The following INSC variants were observed in gnomAD, a reference collection of about 807,000 sequenced individuals.
INSC encodes INSC spindle orientation adaptor protein, also known as protein inscuteable homolog.
A neutral mutation model predicts 58.6 loss-of-function variants in INSC; 67 were observed. The observed-to-expected ratio is 1.14, with a 90% CI of 0.94 to 1.40. The LOEUF (loss-of-function observed/expected upper bound fraction) is 1.40. INSC is among the 40% of genes most tolerant of loss of function. The pLI is 0.00. For missense variants in INSC, 714 were observed against 692.0 expected (o/e 1.03, Z -0.36); for synonymous variants, 262 against 276.1 (o/e 0.95, Z 0.51).
At chr11:15,130,177 A>G (rs925520088) in intron 1 of INSC, among the ~76,000 whole-genome samples, 1 of 152,246 alleles carries the variant, frequency 6.6e-6, no homozygotes, top group Non-Finnish European at 1.5e-5. Context: ...ATCTCACAGG[A>G]AATGCTTTCA....
intron 6 of INSC, among the ~76,000 whole-genome samples, chr11:15,198,201 C>T (rs1850441515): frequency 1.3e-5 from 2 of 152,206 alleles, no homozygotes; most frequent in African/African-American, 2.4e-5. Context: ...GGTACCAGGC[C>T]TTTCCACATG....
chr11:15,141,161 A>C (rs1848361673), intron 1 of INSC, among the ~76,000 whole-genome samples: 1 of 152,072 alleles, frequency 6.6e-6, no homozygotes, highest in Non-Finnish European at 1.5e-5. Flanking sequence ...TGAGAGTATA[A>C]TGTGAGCTCC....
At chr11:15,139,693 C>T (rs981845928) in intron 1 of INSC, among the ~76,000 whole-genome samples, 1 of 152,160 alleles carries the variant, frequency 6.6e-6, no homozygotes, top group African/African-American at 2.4e-5. Context: ...AAACATAATG[C>T]TCAAGGTCAC....
chr11:15,115,087 T>A, intron 1 of INSC, 84 bp downstream of exon 1: 1 of 868,832 alleles, frequency 1.2e-6, no homozygotes, highest in Non-Finnish European at 1.4e-6. Flanking sequence ...GGTTTGTCAC[T>A]AATTGGATAG....
intron 2 of INSC, among the ~76,000 whole-genome samples, chr11:15,173,071 A>C (rs1849454435): frequency 6.6e-6 from 1 of 152,206 alleles, no homozygotes; most frequent in African/African-American, 2.4e-5. Context: ...GAGAGTGTTG[A>C]ATGTTGCATT....
chr11:15,235,709 G>T, intron 10 of INSC, 41 bp downstream of exon 10: 1 of 1,501,932 alleles, frequency 6.7e-7, no homozygotes, highest in Non-Finnish European at 9.3e-7. Flanking sequence ...TGGATTATCT[G>T]GATGTAGGGG....
At chr11:15,134,242 T>G (rs1443064604) in intron 1 of INSC, among the ~76,000 whole-genome samples, 1 of 152,190 alleles carries the variant, frequency 6.6e-6, no homozygotes, top group Non-Finnish European at 1.5e-5. Context: ...TATTGTAAGA[T>G]CCCTGTTACT....
rs778126871 is a variant in INSC, at chr11:15,241,690, C to T, written c.1470+1167C>T. ...ATCTTTGGTACTCTGGTGAAGCTTACGGAGCCCTTCTCAGAATAATCCTTT... is the reference window on the plus strand; with the variant it reads ...ATCTTTGGTACTCTGGTGAAGCTTATGGAGCCCTTCTCAGAATAATCCTTT... On this transcript the variant is annotated intron_variant, in intron 12 of 12. Coordinates refer to ENST00000379556, the MANE Select transcript of INSC (RefSeq NM_001042536.3). The T allele has an allele frequency of 1.2e-4, 85 of 697,382 alleles. 1 individual carries two copies. Among genetic ancestry groups the T allele is most frequent in the Middle Eastern group, 2.3e-4 (1 of 4,374 alleles). The allele number at this position is 697,382 out of a possible 1,614,324, so 43.2% of individuals were successfully genotyped here.
intron 8 of INSC, among the ~76,000 whole-genome samples, chr11:15,223,219 T>C (rs1851511196): frequency 6.6e-6 from 1 of 152,234 alleles, no homozygotes; most frequent in South Asian, 2.1e-4. Flanking sequence ...TTTCTCAATT[T>C]ATAAACATTA....
intron 1 of INSC, among the ~76,000 whole-genome samples, chr11:15,142,095 C>T (rs1277743849): frequency 6.6e-6 from 1 of 152,204 alleles, no homozygotes; most frequent in African/African-American, 2.4e-5. Flanking sequence ...TCCCTGAATA[C>T]TTGCTCCATT....
At chr11:15,161,983 T>C (rs984155763) in intron 2 of INSC, among the ~76,000 whole-genome samples, 10 of 152,240 alleles carry the variant, frequency 6.6e-5, no homozygotes, top group Admixed American at 6.5e-5. Flanking sequence ...ATTAGCTGTT[T>C]AGTAAACAGT....
chr11:15,265,355 A>G, the INSC span, among the ~76,000 whole-genome samples: 7 of 152,188 alleles, frequency 4.6e-5, no homozygotes, highest in South Asian at 6.2e-4. Flanking sequence ...TAAAAGTTAT[A>G]TAAGTTTCTG....
intron 2 of INSC, among the ~76,000 whole-genome samples, chr11:15,167,644 T>A (rs1849248745): frequency 6.6e-6 from 1 of 151,576 alleles, no homozygotes; most frequent in South Asian, 2.1e-4. Context: ...TAATTATTAT[T>A]AATAATAATA....
intron 1 of INSC, among the ~76,000 whole-genome samples, chr11:15,120,115 T>A (rs939129287): frequency 3.3e-5 from 5 of 152,296 alleles, no homozygotes; most frequent in Non-Finnish European, 5.9e-5. Flanking sequence ...ATGAGAGAAC[T>A]CATTTCTCTC....
chr11:15,258,982 A>G, the INSC span, among the ~76,000 whole-genome samples: 3 of 152,142 alleles, frequency 2.0e-5, no homozygotes, highest in Non-Finnish European at 2.9e-5. Context: ...CTTTGTTTTC[A>G]GGGCTCAACT....
intron 2 of INSC, among the ~76,000 whole-genome samples, chr11:15,160,181 C>T (rs764089000): frequency 2.2e-4 from 34 of 152,126 alleles, no homozygotes; most frequent in African/African-American, 2.7e-4. Context: ...TGCTTACAGA[C>T]GTGTGGGGCA....
In INSC at chr11:15,177,135, T is replaced by C; in HGVS notation, c.427T>C (p.Cys143Arg). 1 of 1,614,080 alleles carries C rather than the reference T, an allele frequency of 6.2e-7. No individual in the cohort carries two copies. Among genetic ancestry groups the C allele is most frequent in the Non-Finnish European group, 8.5e-7 (1 of 1,179,998 alleles). Residue 143 changes from cysteine (C) to arginine (R), a missense_variant, in exon 4 of 13, where the codon TGC becomes CGC. Physicochemically the swap from Cys to Arg is radical, Grantham distance 180. Transcript: ENST00000379556. ...GATTGAGAAGCTGCTAATGGAGAAA[T>C]GCTCGGAGCTCTCGGCAGTCACAGA... ...GEIEKLLMEK[C>R]SELSAVTERC...
chr11:15,229,822 T>A (rs1208803393), intron 9 of INSC, among the ~76,000 whole-genome samples: 1 of 147,880 alleles, frequency 6.8e-6, no homozygotes. Context: ...CTTTGGGAGG[T>A]TGAGGCAGGC....
rs372253948 is a variant in INSC at position 15,221,543 on chromosome 11, G to A, written c.886G>A (p.Glu296Lys). 4.9e-5 allele frequency: 79 copies of A among 1,613,966 alleles called. 1 individual carries two copies. The South Asian group carries it at 7.7e-4, about 16-fold the overall frequency. ...DNSHSEATRA[E>K]AAAVVAQVTS... ...CAGCCACTCAGAGGCCACACGGGCTGAGGCTGCGGCTGTGGTGGCCCAGGT... is the reference window on the plus strand; with the variant it reads ...CAGCCACTCAGAGGCCACACGGGCTAAGGCTGCGGCTGTGGTGGCCCAGGT... Residue 296 changes from glutamate to lysine, a missense_variant, in exon 8 of 13, where the codon GAG (glutamate) becomes AAG (lysine). Glu to Lys is a moderately conservative substitution (Grantham distance 56). Coordinates refer to ENST00000379556, the MANE Select transcript of INSC (RefSeq NM_001042536.3).
Sources: allele counts gnomAD v4.1 joint callset (sites outside exome capture counted in the v4.1 genomes callset), GRCh38; gene constraint gnomAD v4.1.1; transcripts MANE v1.5; gene names NCBI Gene and HGNC (gene_info 2026-07-23, HGNC 2026-07-21).